Variants in EXPH5 observed in about 807,000 individuals in gnomAD.
EXPH5 encodes the protein exophilin 5, also known as exophilin-5.
Under a neutral mutation model 41.1 loss-of-function variants are expected in EXPH5, and 42 were observed. The ratio of observed to expected loss-of-function variants is 1.02; its 90% CI spans 0.80 to 1.32. The LOEUF is 1.32. Among genes scored for constraint, EXPH5 ranks in the 40% most tolerant of loss-of-function variants. EXPH5 has a pLI of 0.00. For synonymous variants in EXPH5, 798 were observed against 833.5 expected (o/e 0.96, Z 0.73); for missense variants, 2,298 against 2,314.5 (o/e 0.99, Z 0.15).
intron 3 of EXPH5, among the ~76,000 whole-genome samples, chr11:108,537,615 G>A (rs1029153161): frequency 2.0e-5 from 3 of 152,120 alleles, no homozygotes; most frequent in Non-Finnish European, 2.9e-5. Flanking sequence ...GTCTATAACC[G>A]AAAAACATGA....
intron 5 of EXPH5, among the ~76,000 whole-genome samples, chr11:108,516,283 C>T (rs1191341024): frequency 6.6e-6 from 1 of 152,056 alleles, no homozygotes; most frequent in Non-Finnish European, 1.5e-5. Flanking sequence ...TAACTGAAGA[C>T]CTAGACCAAG....
Position 108,506,811 on chromosome 11 carries a change from C to A in EXPH5, c.*2726G>T, listed in dbSNP as rs1420452749. ...TTCGAAACCAGCCTGGCCAACATGG[C>A]GAAACCCCGTCTCTGCTAAAAATAC... is the stretch of plus-strand genomic sequence containing the variant. On this transcript the variant is annotated 3_prime_UTR_variant, in exon 6 of 6. Coordinates refer to ENST00000265843, the MANE Select transcript of EXPH5 (RefSeq NM_015065.3). The A allele has an allele frequency of 6.6e-6, 1 of 151,970 alleles. No homozygotes were observed. The highest frequency in any genetic ancestry group is 2.4e-5 in the African/African-American group (1 of 41,356). The allele number at this position is 151,970 out of a possible 1,614,324, so 9.4% of individuals were successfully genotyped here.
chr11:108,512,711 C>G lies in EXPH5; in HGVS notation c.2796G>C (p.Lys932Asn). The G allele has an allele frequency of 2.5e-6, 4 of 1,613,942 alleles. No individual in the cohort carries two copies. The highest frequency in any genetic ancestry group is 3.4e-6 in the Non-Finnish European group (4 of 1,180,002). The stretch of plus-strand genomic sequence containing the variant: ...CTGAGTGGCTTACAATAAACTGATT[C>G]TTTTGGTTCTTCCCAGCATTGTCTT... ...EEKDNAGKNQKNQFIVSHSEN... is the reference protein window; with the variant it reads ...EEKDNAGKNQNNQFIVSHSEN... The change falls in exon 6 of 6, where the codon AAG (lysine) becomes AAC (asparagine). Residue 932 changes from lysine (K) to asparagine (N), a missense_variant. Lys to Asn is a moderately conservative substitution (Grantham distance 94). Coordinates refer to ENST00000265843, the MANE Select transcript of EXPH5 (RefSeq NM_015065.3).
chr11:108,530,586 A>C, intron 3 of EXPH5, among the ~76,000 whole-genome samples: 1 of 152,220 alleles, frequency 6.6e-6, no homozygotes, highest in East Asian at 1.9e-4. Context: ...CCAGGACTAC[A>C]TGCCAGACTG....
At chr11:108,587,652 C>T (rs1456589184) in intron 1 of EXPH5, among the ~76,000 whole-genome samples, 1 of 152,116 alleles carries the variant, frequency 6.6e-6, no homozygotes, top group Non-Finnish European at 1.5e-5. Context: ...TTTTAAAAGA[C>T]ATTTTTAAAA....
chr11:108,535,977 A>G (rs1224875150), intron 3 of EXPH5, among the ~76,000 whole-genome samples: 2 of 152,166 alleles, frequency 1.3e-5, no homozygotes, highest in Admixed American at 1.3e-4. Flanking sequence ...CTGAAATTCT[A>G]TGTTAGGGGC....
rs775865314 is a variant in EXPH5, at chr11:108,593,421, A to G, written c.116T>C (p.Ile39Thr). ...AAGAAATGAATTTGCTCTGTACCTG[A>G]TCCTGTCCTTCTCGGCCCTCTGTAA... ...EELQRAEKDR[I>T]SKLQKTKRDI... Residue 39 changes from isoleucine to threonine, a missense_variant, in exon 1 of 6, where the codon ATC (isoleucine) becomes ACC (threonine). Coordinates refer to ENST00000265843, the MANE Select transcript of EXPH5 (RefSeq NM_015065.3). The G allele has an allele frequency of 5.0e-6, 8 of 1,613,110 alleles. No homozygotes were observed. The highest frequency in any genetic ancestry group is 1.1e-5 in the South Asian group (1 of 91,068).
chr11:108,595,310 A>C (rs2136135003), upstream of EXPH5, among the ~76,000 whole-genome samples: 1 of 152,356 alleles, frequency 6.6e-6, no homozygotes, highest in Non-Finnish European at 1.5e-5. Context: ...TTCCATGAGC[A>C]CACAGAAAAG....
the EXPH5 span, among the ~76,000 whole-genome samples, chr11:108,601,958 A>T: frequency 1.3e-5 from 2 of 152,120 alleles, no homozygotes; most frequent in African/African-American, 4.8e-5. Context: ...CATGTTGGCC[A>T]GGCTGGTCTC....
chr11:108,585,549 A>G (rs1300424262), intron 1 of EXPH5, among the ~76,000 whole-genome samples: 1 of 152,246 alleles, frequency 6.6e-6, no homozygotes, highest in Non-Finnish European at 1.5e-5. Context: ...TGGACTTCCC[A>G]GGGTCTAGAA....
intron 3 of EXPH5, among the ~76,000 whole-genome samples, chr11:108,536,975 T>G (rs1272885876): frequency 6.6e-6 from 1 of 152,212 alleles, no homozygotes; most frequent in Admixed American, 6.5e-5. Flanking sequence ...CTGCAGAGGA[T>G]GACTGTGTGT....
At chr11:108,585,397 C>T (rs1212909749) in intron 1 of EXPH5, among the ~76,000 whole-genome samples, 1 of 152,116 alleles carries the variant, frequency 6.6e-6, no homozygotes, top group Non-Finnish European at 1.5e-5. Context: ...AGGGCTTCTC[C>T]CTCATGAATG....
chr11:108,546,367 T>C (rs1197461651), intron 1 of EXPH5, among the ~76,000 whole-genome samples: 1 of 152,036 alleles, frequency 6.6e-6, no homozygotes, highest in African/African-American at 2.4e-5. Flanking sequence ...AGGACACTTG[T>C]AGGGTCTAAA....
chr11:108,569,426 G>A (rs1462498868), intron 1 of EXPH5, among the ~76,000 whole-genome samples: 3 of 152,034 alleles, frequency 2.0e-5, no homozygotes, highest in Admixed American at 1.3e-4. Context: ...TGCAACCTCC[G>A]CCTCCTAGGT....
rs1437670337 is a variant in EXPH5 at position 108,509,053 on chromosome 11, G to A, written c.*484C>T. ...TCCTAAATGTTCATGAGTCAAACAGGATGATAATATTTACCCCACTGTTAT... is the reference window on the plus strand; with the variant it reads ...TCCTAAATGTTCATGAGTCAAACAGAATGATAATATTTACCCCACTGTTAT... On this transcript the variant is annotated 3_prime_UTR_variant, in exon 6 of 6. Transcript: ENST00000265843. 1 of 152,482 alleles carries A rather than the reference G, an allele frequency of 6.6e-6. No homozygotes were observed. The highest frequency in any genetic ancestry group is 1.5e-5 in the Non-Finnish European group (1 of 68,314). 9.4% of individuals were successfully genotyped at this position (152,482 alleles called of 1,614,324 possible). A position where few individuals can be genotyped will look rare whatever the true frequency, so the allele number is the denominator to read the frequency against.
chr11:108,514,129 A>G lies in EXPH5; in HGVS notation c.1378T>C (p.Ser460Pro), dbSNP rs772573346. The part of the protein sequence containing the change: ...FYHQSNTFTR[S>P]FFSNTFGRSG... ...CGTCCAAAGGTATTGCTGAAGAAAG[A>G]TCTGGTAAATGTGTTGCTTTGATGG... Residue 460 changes from serine to proline, a missense_variant, in exon 6 of 6, where the codon TCT becomes CCT. Physicochemically the swap from Ser to Pro is moderately conservative, Grantham distance 74 (BLOSUM62 -1). Coordinates refer to ENST00000265843, the MANE Select transcript of EXPH5 (RefSeq NM_015065.3). The G allele has an allele frequency of 1.2e-6, 2 of 1,613,808 alleles. No homozygotes were observed. Among genetic ancestry groups the G allele is most frequent in the East Asian group, 2.2e-5 (1 of 44,880 alleles).
rs116631206 is a variant in EXPH5, at chr11:108,510,863, A to G, written c.4644T>C (p.Asn1548=). The G allele has an allele frequency of 8.7e-5, 140 of 1,613,944 alleles. No individual in the cohort carries two copies. In the Middle Eastern group the frequency reaches 1.2e-3, roughly 13 times the overall value. Residue 1548 remains asparagine, a synonymous_variant, in exon 6 of 6, where the codon AAT becomes AAC. Coordinates refer to ENST00000265843, the MANE Select transcript of EXPH5 (RefSeq NM_015065.3). The part of the protein sequence containing the change: ...RELPQRSQEA[N]MTESRKAEDE... ...CTTCAGCCTTCCTGCTCTCTGTCAT[A>G]TTTGCCTCCTGACTTCTTTGAGGTA...
chr11:108,541,485 T>A (rs989529605), intron 2 of EXPH5, among the ~76,000 whole-genome samples, 167 bp downstream of exon 2: 1 of 152,084 alleles, frequency 6.6e-6, no homozygotes, highest in African/African-American at 2.4e-5. Context: ...AAATTTCAGT[T>A]CACTTTTTTT....
At chr11:108,581,654 C>A (rs2094098614) in intron 1 of EXPH5, among the ~76,000 whole-genome samples, 1 of 151,756 alleles carries the variant, frequency 6.6e-6, no homozygotes, top group Admixed American at 6.6e-5. Context: ...AATATCAGAG[C>A]AGAAATCAAT....
Sources: gnomAD v4.1 joint callset for allele counts (sites outside exome capture counted in the v4.1 genomes callset) on GRCh38, gnomAD v4.1.1 for gene constraint, MANE v1.5 for transcripts, NCBI Gene and HGNC (gene_info 2026-07-23, HGNC 2026-07-21) for gene names.